TNNI3K: variants seen among roughly 807,000 people sequenced by gnomAD.
TNNI3K encodes TNNI3 interacting kinase.
In TNNI3K, 140 loss-of-function variants were observed where a neutral mutation model predicts 114.5. That is an observed-to-expected ratio of 1.22 (90% confidence interval 1.07 to 1.41). TNNI3K has a LOEUF of 1.41. Among genes scored for constraint, TNNI3K ranks in the 40% most tolerant of loss-of-function variants. The probability of loss-of-function intolerance (pLI) is 0.00; values close to 1 mark genes in which losing one functional copy is unlikely to be tolerated. For missense variants in TNNI3K, 1,125 were observed against 1,007.6 expected, an observed-to-expected ratio of 1.12 and a Z score of -1.58; for synonymous variants, 347 against 347.5, an observed-to-expected ratio of 1.00 and a Z score of 0.02.
chr1:74,278,729 A>C (rs1042877403), intron 5 of TNNI3K, among the ~76,000 whole-genome samples: 2 of 152,174 alleles, frequency 1.3e-5, no homozygotes, highest in Admixed American at 6.5e-5. Flanking sequence ...GTCACCCAAA[A>C]AGGAAACTTA....
chr1:74,460,010 TTTA>T (rs1168342477), intron 20 of TNNI3K, among the ~76,000 whole-genome samples: 1 of 152,230 alleles, frequency 6.6e-6, no homozygotes, highest in African/African-American at 2.4e-5. Context: ...AAAAACTCAA[TTTA>T]TCAGTCACAC....
At chr1:74,494,104 CT>C (rs1196299508) in intron 23 of TNNI3K, among the ~76,000 whole-genome samples, 1 of 152,124 alleles carries the variant, frequency 6.6e-6, no homozygotes, top group Non-Finnish European at 1.5e-5. Flanking sequence ...CCAGAAAAGA[CT>C]AGTTTAAAAT....
chr1:74,352,683 C>G (rs1458448747), intron 9 of TNNI3K, among the ~76,000 whole-genome samples: 1 of 152,206 alleles, frequency 6.6e-6, no homozygotes, highest in Non-Finnish European at 1.5e-5. Context: ...GTCCCTCCCC[C>G]AGCCTCGCTG....
At chr1:74,398,306 G>C (rs999285099) in intron 17 of TNNI3K, among the ~76,000 whole-genome samples, 1 of 152,176 alleles carries the variant, frequency 6.6e-6, no homozygotes, top group East Asian at 1.9e-4. Context: ...AGAGAAGTAA[G>C]CAAACCCATA....
chr1:74,410,069 C>T (rs1020338307), intron 17 of TNNI3K, among the ~76,000 whole-genome samples: 3 of 152,106 alleles, frequency 2.0e-5, no homozygotes, highest in Non-Finnish European at 2.9e-5. Flanking sequence ...TTAAAGCATA[C>T]ATGTAAGAAC....
intron 23 of TNNI3K, among the ~76,000 whole-genome samples, chr1:74,533,281 C>A (rs1447968636): frequency 6.6e-6 from 1 of 152,130 alleles, no homozygotes; most frequent in South Asian, 2.1e-4. Context: ...CAAAAGAAGA[C>A]ATTTATGCAG....
At position 74,342,920 on chromosome 1, in the gene TNNI3K, T is replaced by A. The variant is rs1445601819; in HGVS notation, c.761T>A (p.Leu254Gln). The change falls in exon 8 of 25, where the codon CTG (leucine) becomes CAG (glutamine). Residue 254 changes from leucine (L) to glutamine (Q), a missense_variant. Leu to Gln is a moderately radical substitution (Grantham distance 113). Coordinates refer to ENST00000326637, the MANE Select transcript of TNNI3K (RefSeq NM_015978.3). ...RFGHHDIVKY[L>Q]LQSDLEVQPH... ...GGACACCATGATATAGTTAAGTATCTGCTGCAAAGTGATTTGGAAGTTCAA... is the reference window on the plus strand; with the variant it reads ...GGACACCATGATATAGTTAAGTATCAGCTGCAAAGTGATTTGGAAGTTCAA... The A allele has an allele frequency of 6.2e-7, 1 of 1,613,940 alleles. No homozygotes were observed. Among genetic ancestry groups the A allele is most frequent in the South Asian group, 1.1e-5 (1 of 91,082 alleles).
Position 74,413,035 on chromosome 1 carries a change from A to T in TNNI3K, c.1773-23045A>T, listed in dbSNP as rs537056591. Among the ~76,000 whole-genome samples the T allele has an allele frequency of 3.3e-5, 5 of 152,306 alleles. No homozygotes were observed. The East Asian group carries it at 9.7e-4, about 29-fold the overall frequency. On this transcript the variant is annotated intron_variant, in intron 17 of 24. Transcript: ENST00000326637. The stretch of plus-strand genomic sequence containing the variant: ...CATTGTGGGTAGAAAAGAATACAAA[A>T]CAGGTGTTATTAGTGATGTCAGGTT...
At chr1:74,271,834 A>G (rs1656372240) in intron 5 of TNNI3K, 126 bp downstream of exon 5, 3 of 689,724 alleles carry the variant, frequency 4.3e-6, no homozygotes, top group Admixed American at 3.3e-5. Flanking sequence ...TACTGAACAC[A>G]TTGGGGTAAA....
intron 9 of TNNI3K, among the ~76,000 whole-genome samples, chr1:74,345,074 C>T (rs6424582): frequency 1 from 151,794 of 152,202 alleles, 75,696 homozygotes; most frequent in Non-Finnish European, 1. Context: ...TATGTGTGTA[C>T]ACATGCACAT....
intron 17 of TNNI3K, among the ~76,000 whole-genome samples, chr1:74,404,290 A>G (rs1557546261): frequency 6.6e-6 from 1 of 152,102 alleles, no homozygotes; most frequent in Non-Finnish European, 1.5e-5. Flanking sequence ...ATATTGCTGT[A>G]TGAGTTGTTT....
At position 74,460,098 on chromosome 1, in the gene TNNI3K, C is replaced by CGG. The variant is rs1316912677; in HGVS notation, c.2012-3342_2012-3341dup. On this transcript the variant is annotated intron_variant, in intron 20 of 24. Transcript: ENST00000326637. ...ATATAACTTTTTTTTTTTTTTGAGA[C>CGG]GGAGTCTTGCTCTGTCGCCCAGGCT... Among the ~76,000 whole-genome samples the CGG allele has an allele frequency of 1.9e-4, 29 of 149,484 alleles. No homozygotes were observed. In the East Asian group the frequency reaches 5.7e-3, roughly 29 times the overall value.
chr1:74,404,066 A>AT (rs896035815), intron 17 of TNNI3K, among the ~76,000 whole-genome samples: 6 of 152,164 alleles, frequency 3.9e-5, no homozygotes, highest in African/African-American at 1.4e-4. Flanking sequence ...TACTTCATAC[A>AT]TAAAAAGTCA....
chr1:74,400,585 G>A (rs1485412358), intron 17 of TNNI3K, among the ~76,000 whole-genome samples: 2 of 152,164 alleles, frequency 1.3e-5, no homozygotes, highest in Admixed American at 6.5e-5. Flanking sequence ...AATGAGACTT[G>A]CAAAAGTCTA....
chr1:74,244,832 G>T (rs959107440), intron 2 of TNNI3K, among the ~76,000 whole-genome samples: 1 of 151,594 alleles, frequency 6.6e-6, no homozygotes, highest in Non-Finnish European at 1.5e-5. Flanking sequence ...AAGCAATTGA[G>T]TTTACCCTCT....
chr1:74,436,034 G>A (rs1451291438), intron 17 of TNNI3K, 46 bp from the exon 18 acceptor site: 28 of 1,581,232 alleles, frequency 1.8e-5, no homozygotes, highest in Non-Finnish European at 2.3e-5. Context: ...TTAGGACATA[G>A]CAAAGCTTAC....
intron 11 of TNNI3K, among the ~76,000 whole-genome samples, chr1:74,359,325 A>C (rs2100494533): frequency 6.6e-6 from 1 of 152,174 alleles, no homozygotes; most frequent in South Asian, 2.1e-4. Flanking sequence ...CTTATTGGTA[A>C]GTGCAGAGCA....
At chr1:74,310,903 C>T (rs955499960) in intron 5 of TNNI3K, among the ~76,000 whole-genome samples, 1 of 150,364 alleles carries the variant, frequency 6.7e-6, no homozygotes, top group Non-Finnish European at 1.5e-5. Context: ...AAGACCACCT[C>T]GTTCTATACA....
intron 17 of TNNI3K, among the ~76,000 whole-genome samples, chr1:74,429,854 C>T (rs1419975763): frequency 6.6e-6 from 1 of 152,052 alleles, no homozygotes; most frequent in Non-Finnish European, 1.5e-5. Context: ...GTGAGTTAAT[C>T]ACCTTCAGGG....
Sources: allele counts gnomAD v4.1 joint callset (sites outside exome capture counted in the v4.1 genomes callset), GRCh38; gene constraint gnomAD v4.1.1; transcripts MANE v1.5; gene names NCBI Gene and HGNC (gene_info 2026-07-23, HGNC 2026-07-21).